The following CNTLN variants were observed in gnomAD, a reference collection of about 807,000 sequenced individuals.
CNTLN encodes the protein centlein, centrosomal protein.
A neutral mutation model predicts 180.0 loss-of-function variants in CNTLN; 212 were observed. The ratio of observed to expected loss-of-function variants is 1.18; its 90% CI spans 1.05 to 1.32. The LOEUF (loss-of-function observed/expected upper bound fraction) is 1.32, where lower values mean the gene tolerates loss of function less well. Ranked by LOEUF, CNTLN falls within the 40% of genes most tolerant of loss-of-function variation. CNTLN has a pLI of 0.00. For synonymous variants in CNTLN, 722 were observed against 563.1 expected (o/e 1.28, Z -3.99); for missense variants, 2,095 against 1,610.9 (o/e 1.30, Z -5.14).
chr9:17,364,381 A>C (rs1440599360), intron 12 of CNTLN, among the ~76,000 whole-genome samples: 2 of 151,974 alleles, frequency 1.3e-5, no homozygotes, highest in Non-Finnish European at 2.9e-5. Context: ...TATTGAACCC[A>C]TCCATTGAGT....
intron 7 of CNTLN, among the ~76,000 whole-genome samples, chr9:17,306,146 A>ATTTTTTTTTTTTT (rs572150057): frequency 7.2e-4 from 92 of 127,980 alleles, no homozygotes; most frequent in Admixed American, 1.7e-3. Context: ...TTAGTCGTCT[A>ATTTTTTTTTTTTT]TTTTTTTTTT....
intron 15 of CNTLN, among the ~76,000 whole-genome samples, chr9:17,404,370 T>G (rs1295103221): frequency 6.6e-6 from 1 of 151,696 alleles, no homozygotes; most frequent in African/African-American, 2.4e-5. Flanking sequence ...TTTTTGCTTC[T>G]CATTAGTATG....
At chr9:17,236,705 C>G (rs1230031888) in intron 5 of CNTLN, 117 bp downstream of exon 5, 2 of 722,432 alleles carry the variant, frequency 2.8e-6, no homozygotes, top group Non-Finnish European at 4.3e-6. Flanking sequence ...TGGGGACTAG[C>G]ATTAATTTAT....
chr9:17,387,497 T>C (rs1280299490), intron 13 of CNTLN, among the ~76,000 whole-genome samples: 1 of 152,132 alleles, frequency 6.6e-6, no homozygotes, highest in East Asian at 1.9e-4. Flanking sequence ...TTCTTTAAGG[T>C]TGTTAAGTTA....
At chr9:17,335,922 T>G (rs1820988017) in intron 10 of CNTLN, among the ~76,000 whole-genome samples, 1 of 103,180 alleles carries the variant, frequency 9.7e-6, no homozygotes, top group Non-Finnish European at 2.1e-5. Flanking sequence ...AGCGAGTCTG[T>G]CTCAAAAACA....
chr9:17,150,957 T>G (rs1563824470), intron 2 of CNTLN, among the ~76,000 whole-genome samples: 2 of 152,150 alleles, frequency 1.3e-5, no homozygotes, highest in African/African-American at 2.4e-5. Flanking sequence ...TGTCTGTTAT[T>G]GGTGTATAGG....
intron 2 of CNTLN, among the ~76,000 whole-genome samples, chr9:17,205,072 G>A (rs1587135889): frequency 6.6e-6 from 1 of 152,152 alleles, no homozygotes; most frequent in Non-Finnish European, 1.5e-5. Context: ...ACTTCAGACT[G>A]CTGTGCTGGC....
chr9:17,510,589 G>C, the CNTLN span, among the ~76,000 whole-genome samples: 8 of 152,168 alleles, frequency 5.3e-5, no homozygotes, highest in African/African-American at 1.7e-4. Flanking sequence ...ACAAGAAAAA[G>C]ACTACTGTCC....
chr9:17,459,609 C>T (rs1022278371), intron 19 of CNTLN, among the ~76,000 whole-genome samples: 1 of 151,736 alleles, frequency 6.6e-6, no homozygotes, highest in Non-Finnish European at 1.5e-5. Context: ...GACTGGTTAT[C>T]TTAAATAGCA....
intron 25 of CNTLN, chr9:17,487,287 G>A (rs1832942435): frequency 2.0e-6 from 1 of 502,672 alleles, no homozygotes; most frequent in Non-Finnish European, 3.5e-6. Context: ...ATGGGTCTTA[G>A]CAAATGCATT....
rs1007522362 is a variant in CNTLN at position 17,462,959 on chromosome 9, C to G, written c.3350C>G (p.Thr1117Ser). 1.3e-6 allele frequency: 2 copies of G among 1,582,362 alleles called. No homozygotes were observed. Among genetic ancestry groups the G allele is most frequent in the African/African-American group, 2.8e-5 (2 of 72,206 alleles). ...ELTKQSSNVK[T>S]LKFELLAKEE... ...ACTAAACAGTCATCAAATGTGAAGACTTTGAAATTTGAACTCCTAGCAAAA... is the reference window on the plus strand; with the variant it reads ...ACTAAACAGTCATCAAATGTGAAGAGTTTGAAATTTGAACTCCTAGCAAAA... Residue 1117 changes from threonine to serine, a missense_variant, in exon 20 of 26, where the codon ACT becomes AGT. Thr to Ser is a moderately conservative substitution (Grantham distance 58, BLOSUM62 1). Transcript: ENST00000380647.
At chr9:17,419,624 A>T (rs1318018549) in intron 18 of CNTLN, among the ~76,000 whole-genome samples, 1 of 152,196 alleles carries the variant, frequency 6.6e-6, no homozygotes, top group Non-Finnish European at 1.5e-5. Flanking sequence ...TTTGTTTTCT[A>T]TAAAAGATTT....
At chr9:17,143,244 C>A in intron 1 of CNTLN, 44 bp from the exon 2 acceptor site, 1 of 1,331,390 alleles carries the variant, frequency 7.5e-7, no homozygotes, top group Non-Finnish European at 1.1e-6. Flanking sequence ...TATTTCACTA[C>A]CACTACAAAG....
At chr9:17,515,860 T>C in the CNTLN span, among the ~76,000 whole-genome samples, 1 of 152,188 alleles carries the variant, frequency 6.6e-6, no homozygotes. Flanking sequence ...GACCATGTCA[T>C]TCCTCTGCTC....
chr9:17,318,892 T>A (rs1819718314), intron 8 of CNTLN, among the ~76,000 whole-genome samples: 1 of 152,044 alleles, frequency 6.6e-6, no homozygotes, highest in African/African-American at 2.4e-5. Flanking sequence ...AACCTTCATT[T>A]ATTCAGTTAT....
Position 17,143,338 on chromosome 9 carries a change from C to T in CNTLN, c.411C>T (p.Asn137=), listed in dbSNP as rs760383104. ...WSLWKRLQVT[N]PDLTQVVSLV... Reference sequence around the variant, plus strand: ...TGTGGAAACGTCTCCAGGTTACAAACCCAGATCTCACACAAGTGGTCAGTT... The same window carrying T: ...TGTGGAAACGTCTCCAGGTTACAAATCCAGATCTCACACAAGTGGTCAGTT... Residue 137 remains asparagine, a synonymous_variant, in exon 2 of 26, where the codon AAC becomes AAT. Coordinates refer to ENST00000380647, the MANE Select transcript of CNTLN (RefSeq NM_017738.4). 8 of 1,613,644 alleles carry T rather than the reference C, an allele frequency of 5.0e-6. No homozygotes were observed. The highest frequency in any genetic ancestry group is 6.8e-6 in the Non-Finnish European group (8 of 1,179,728).
intron 25 of CNTLN, among the ~76,000 whole-genome samples, chr9:17,498,252 T>A (rs1833563266): frequency 6.6e-6 from 1 of 152,172 alleles, no homozygotes; most frequent in African/African-American, 2.4e-5. Context: ...TATTTTTATG[T>A]TTTGCAATCA....
At chr9:17,464,969 C>G (rs1831662373) in intron 21 of CNTLN, among the ~76,000 whole-genome samples, 1 of 151,114 alleles carries the variant, frequency 6.6e-6, no homozygotes, top group African/African-American at 2.4e-5. Flanking sequence ...TTAGTGAAAA[C>G]TTGATTACCT....
chr9:17,455,268 A>G (rs747928977), intron 18 of CNTLN, among the ~76,000 whole-genome samples: 9 of 152,202 alleles, frequency 5.9e-5, no homozygotes, highest in Non-Finnish European at 1.0e-4. Flanking sequence ...TTCTATGCAT[A>G]TATACCTAAC....
Sources: allele counts gnomAD v4.1 joint callset (sites outside exome capture counted in the v4.1 genomes callset), GRCh38; gene constraint gnomAD v4.1.1; transcripts MANE v1.5; gene names NCBI Gene and HGNC (gene_info 2026-07-23, HGNC 2026-07-21).